Variants in SLAIN2 observed in about 807,000 individuals in gnomAD.
SLAIN2 encodes the protein SLAIN motif-containing protein 2.
A neutral mutation model predicts 56.6 loss-of-function variants in SLAIN2; 31 were observed. That is an observed-to-expected ratio of 0.55 (90% CI 0.41 to 0.74). The LOEUF is 0.74. Among genes scored for constraint, SLAIN2 ranks in the 30% least tolerant of loss-of-function variants. SLAIN2 has a pLI of 0.00. For synonymous variants in SLAIN2, 317 were observed against 284.9 expected (o/e 1.11, Z -1.13); for missense variants, 777 against 754.2 (o/e 1.03, Z -0.35).
At chr4:48,382,282 A>G (rs1715990091) in intron 4 of SLAIN2, among the ~76,000 whole-genome samples, 2 of 152,144 alleles carry the variant, frequency 1.3e-5, no homozygotes, top group South Asian at 4.1e-4. Flanking sequence ...AAATATTTTT[A>G]AATTTATGAT....
chr4:48,425,629 T>C lies in SLAIN2; in HGVS notation c.*3552T>C, dbSNP rs1717279573. On this transcript the variant is annotated 3_prime_UTR_variant, in exon 8 of 8. Coordinates refer to ENST00000264313, the MANE Select transcript of SLAIN2 (RefSeq NM_020846.2). ...GAGGGAAAAAAGACACCCTTCTGTT[T>C]TTTTCTCTCAAGCCAGTCTAAAAAC... 6.6e-6 allele frequency: 1 copy of C among 152,160 alleles called. No individual in the cohort carries two copies. The highest frequency in any genetic ancestry group is 2.4e-5 in the African/African-American group (1 of 41,454). 9.4% of individuals were successfully genotyped at this position (152,160 alleles called of 1,614,324 possible).
rs1172897036 is a variant in SLAIN2, at chr4:48,360,953, A to G, written c.390-8896A>G. 2.0e-5 allele frequency among the ~76,000 whole-genome samples: 3 copies of G among 152,238 alleles called. No homozygotes were observed. In the East Asian group the frequency reaches 5.8e-4, roughly 29 times the overall value. On this transcript the variant is annotated intron_variant, in intron 1 of 7. Transcript: ENST00000264313. ...TTTATTGCCTCCAACACATTTTTAA[A>G]TGTCTCTTTTCAAATTATAAATACC... is the stretch of plus-strand genomic sequence containing the variant.
At chr4:48,404,146 A>G (rs955000830) in intron 6 of SLAIN2, among the ~76,000 whole-genome samples, 1 of 152,106 alleles carries the variant, frequency 6.6e-6, no homozygotes, top group African/African-American at 2.4e-5. Context: ...CAAGGTGCAG[A>G]ATGAACTCAC....
chr4:48,342,087 G>A lies in SLAIN2; in HGVS notation c.348G>A (p.Glu116=), dbSNP rs757816671. ...LDEVEPLRPD[E]LERLSGWEEE... is the part of the protein sequence containing the mutation. ...AGGTGGAGCCGCTGCGGCCCGACGA[G>A]CTGGAGCGCCTGTCAGGCTGGGAGG... Residue 116 remains glutamate (E), a synonymous_variant, in exon 1 of 8, where the codon GAG becomes GAA. Transcript: ENST00000264313. 5.9e-6 allele frequency: 8 copies of A among 1,367,394 alleles called. No individual in the cohort carries two copies. In the South Asian group the frequency reaches 1.2e-4, roughly 21 times the overall value. 84.7% of individuals were successfully genotyped at this position (1,367,394 alleles called of 1,614,324 possible).
At position 48,422,831 on chromosome 4, in the gene SLAIN2, T is replaced by C. The variant is rs1345832298; in HGVS notation, c.*754T>C. On this transcript the variant is annotated 3_prime_UTR_variant, in exon 8 of 8. Transcript: ENST00000264313. ...GATTGCCAAAAGGGCTTAATATCAGTTGTACAATCTTTCTGAACTTTATAG... is the reference window on the plus strand; with the variant it reads ...GATTGCCAAAAGGGCTTAATATCAGCTGTACAATCTTTCTGAACTTTATAG... The C allele has an allele frequency of 1.3e-5, 2 of 152,232 alleles. No homozygotes were observed. The highest frequency in any genetic ancestry group is 3.8e-4 in the East Asian group (2 of 5,202). 9.4% of individuals were successfully genotyped at this position (152,232 alleles called of 1,614,324 possible). A position where few individuals can be genotyped will look rare whatever the true frequency, so the allele number is the denominator to read the frequency against.
intron 6 of SLAIN2, among the ~76,000 whole-genome samples, chr4:48,384,594 G>A (rs1330667033): frequency 6.6e-6 from 1 of 152,172 alleles, no homozygotes; most frequent in Non-Finnish European, 1.5e-5. Flanking sequence ...CTCTTAAACA[G>A]AGAAGGTGAA....
chr4:48,394,499 A>C, intron 6 of SLAIN2: 1 of 1,120,758 alleles, frequency 8.9e-7, no homozygotes, highest in South Asian at 1.4e-5. Context: ...TTTGTATTAA[A>C]ACATTCAAGT....
chr4:48,412,173 G>T (rs1226819467), intron 6 of SLAIN2, among the ~76,000 whole-genome samples: 2 of 152,018 alleles, frequency 1.3e-5, no homozygotes, highest in Non-Finnish European at 2.9e-5. Flanking sequence ...AGTTATATAG[G>T]TATAGATGTA....
intron 1 of SLAIN2, among the ~76,000 whole-genome samples, chr4:48,357,972 T>TA (rs1184468210): frequency 6.6e-6 from 1 of 152,228 alleles, no homozygotes; most frequent in Admixed American, 6.5e-5. Context: ...GTATTGGAAT[T>TA]ACAGGTGTGA....
At chr4:48,369,745 C>T (rs918372098) in intron 1 of SLAIN2, 104 bp from the exon 2 acceptor site, 2 of 1,009,872 alleles carry the variant, frequency 2.0e-6, no homozygotes, top group Non-Finnish European at 2.9e-6. Context: ...TACTCCATGA[C>T]TTTTACTCCC....
At chr4:48,396,285 G>A (rs545520589) in intron 6 of SLAIN2, among the ~76,000 whole-genome samples, 2 of 151,936 alleles carry the variant, frequency 1.3e-5, no homozygotes, top group Admixed American at 1.3e-4. Flanking sequence ...GGGAGGAGGG[G>A]CAGGGGGTGT....
At chr4:48,345,372 C>T (rs1714836111) in intron 1 of SLAIN2, among the ~76,000 whole-genome samples, 1 of 152,144 alleles carries the variant, frequency 6.6e-6, no homozygotes, top group Non-Finnish European at 1.5e-5. Flanking sequence ...ATCCTTCGAC[C>T]ATGGTTATTT....
At chr4:48,362,640 C>T (rs372099227) in intron 1 of SLAIN2, among the ~76,000 whole-genome samples, 4 of 149,884 alleles carry the variant, frequency 2.7e-5, no homozygotes, top group South Asian at 2.1e-4. Flanking sequence ...AGGATGGTCT[C>T]GATCTACTGA....
In SLAIN2 at chr4:48,344,721, T is replaced by C. The variant is rs187053669; in HGVS notation, c.389+2593T>C. On this transcript the variant is annotated intron_variant, in intron 1 of 7. Transcript: ENST00000264313. ...TTTTTTTTTGGACCCAGCTTCATGA[T>C]AAGAAATACATTTTAACTCATAATC... Among the ~76,000 whole-genome samples, 17 of 152,222 alleles carry C rather than the reference T, an allele frequency of 1.1e-4. No homozygotes were observed. The East Asian group carries it at 3.3e-3, about 29-fold the overall frequency.
intron 2 of SLAIN2, among the ~76,000 whole-genome samples, chr4:48,375,251 T>G (rs1416581071): frequency 6.6e-6 from 1 of 152,180 alleles, no homozygotes; most frequent in Non-Finnish European, 1.5e-5. Flanking sequence ...AGGTTGATAG[T>G]TCCAAGATCA....
chr4:48,403,778 C>G (rs1289581961), intron 6 of SLAIN2, among the ~76,000 whole-genome samples: 3 of 152,208 alleles, frequency 2.0e-5, no homozygotes, highest in Non-Finnish European at 4.4e-5. Flanking sequence ...TCCTGCCTTG[C>G]ATGAATTCCT....
At chr4:48,367,997 A>G (rs1305156264) in intron 1 of SLAIN2, among the ~76,000 whole-genome samples, 3 of 145,616 alleles carry the variant, frequency 2.1e-5, no homozygotes, top group Non-Finnish European at 4.5e-5. Context: ...GACATTTCAT[A>G]TAAATGGATT....
intron 1 of SLAIN2, among the ~76,000 whole-genome samples, chr4:48,346,183 A>T (rs1044106048): frequency 6.6e-6 from 1 of 151,904 alleles, no homozygotes; most frequent in African/African-American, 2.4e-5. Context: ...CTTTTTTTTC[A>T]TCCAATTTTG....
In SLAIN2 at chr4:48,369,968, T is replaced by G. The variant is rs374663283; in HGVS notation, c.509T>G (p.Leu170Arg). The G allele has an allele frequency of 1.2e-6, 2 of 1,613,560 alleles. No individual in the cohort carries two copies. The highest frequency in any genetic ancestry group is 2.7e-5 in the African/African-American group (2 of 74,924). Residue 170 changes from leucine (L) to arginine (R), a missense_variant, in exon 2 of 8, where the codon CTT becomes CGT. By Grantham distance (102) the Leu-to-Arg change is moderately radical. Coordinates refer to ENST00000264313, the MANE Select transcript of SLAIN2 (RefSeq NM_020846.2). ...SPDVECAKKS[L>R]IHKLDQTMSA... ...GATGTTGAGTGTGCTAAAAAATCTC[T>G]TATCCACAAACTTGATCAAACTATG...
Sources: allele counts gnomAD v4.1 joint callset (sites outside exome capture counted in the v4.1 genomes callset), GRCh38; gene constraint gnomAD v4.1.1; transcripts MANE v1.5; gene names NCBI Gene and HGNC (gene_info 2026-07-23, HGNC 2026-07-21).